COG5: variants seen among roughly 807,000 people sequenced by gnomAD.
The protein encoded by COG5 is conserved oligomeric Golgi complex subunit 5.
Under a neutral mutation model 110.4 loss-of-function variants are expected in COG5, and 86 were observed. The observed-to-expected ratio is 0.78, with a 90% confidence interval of 0.65 to 0.93. The LOEUF is 0.93. Ranked by LOEUF, COG5 falls within the 40% of genes least tolerant of loss-of-function variation. COG5 has a pLI of 0.00. For synonymous variants in COG5, 360 were observed against 334.6 expected, an observed-to-expected ratio of 1.08 and a Z score of -0.83; for missense variants, 1,077 against 987.0, an observed-to-expected ratio of 1.09 and a Z score of -1.22.
At position 107,203,593 on chromosome 7, in the gene COG5, T is replaced by G. The variant is rs1215259556; in HGVS notation, c.2413A>C (p.Arg805=). 7 of 1,613,978 alleles carry G rather than the reference T, an allele frequency of 4.3e-6. No individual in the cohort carries two copies. Among genetic ancestry groups the G allele is most frequent in the Non-Finnish European group, 5.9e-6 (7 of 1,179,966 alleles). The change falls in exon 22 of 22, where the codon AGA becomes CGA. Residue 805 remains arginine (R), a synonymous_variant. Transcript: ENST00000297135. ...ACTGGTGCAAATTCTTTGCCTTCTC[T>G]ACTTCTCACTGATTGAACATAAGCT... The part of the protein sequence containing the change: ...LEAYVQSVRS[R]EGKEFAPVYP...
chr7:107,347,091 G>A (rs1471447488), intron 10 of COG5, among the ~76,000 whole-genome samples: 1 of 152,156 alleles, frequency 6.6e-6, no homozygotes, highest in Non-Finnish European at 1.5e-5. Flanking sequence ...ATCAAAGAGA[G>A]AGAGACAAAC....
chr7:107,453,708 C>T (rs981542118), intron 6 of COG5, among the ~76,000 whole-genome samples: 22 of 152,164 alleles, frequency 1.4e-4, no homozygotes, highest in African/African-American at 4.6e-4. Context: ...AAAGAGAGCA[C>T]AATATGGCAC....
At chr7:107,248,599 A>C (rs749600431) in intron 16 of COG5, 100 bp from the exon 17 acceptor site, 1 of 779,368 alleles carries the variant, frequency 1.3e-6, no homozygotes, top group East Asian at 2.6e-5. Context: ...AACAGTTTTC[A>C]TATTATATCA....
intron 11 of COG5, among the ~76,000 whole-genome samples, chr7:107,318,703 G>A (rs1045218508): frequency 6.6e-6 from 1 of 152,118 alleles, no homozygotes; most frequent in Non-Finnish European, 1.5e-5. Flanking sequence ...CATAGAGAGT[G>A]AGTAAGCTCT....
intron 16 of COG5, among the ~76,000 whole-genome samples, chr7:107,253,829 A>C (rs1436746605): frequency 1.3e-5 from 2 of 152,076 alleles, no homozygotes; most frequent in Non-Finnish European, 2.9e-5. Flanking sequence ...TATTCCTGGA[A>C]CACTTGCCCC....
intron 10 of COG5, among the ~76,000 whole-genome samples, chr7:107,331,455 A>G (rs1329718773): frequency 1.3e-5 from 2 of 152,022 alleles, no homozygotes; most frequent in Admixed American, 1.3e-4. Flanking sequence ...GCGACAGAGC[A>G]AGACTCCATC....
intron 11 of COG5, among the ~76,000 whole-genome samples, chr7:107,312,713 A>G (rs1808383591): frequency 6.6e-6 from 1 of 152,224 alleles, no homozygotes; most frequent in African/African-American, 2.4e-5. Context: ...AGGGACCAGA[A>G]GAGTCATATT....
chr7:107,446,439 T>C (rs143528570), intron 6 of COG5, among the ~76,000 whole-genome samples: 2 of 152,150 alleles, frequency 1.3e-5, no homozygotes, highest in African/African-American at 4.8e-5. Context: ...GTAACCAGCC[T>C]TCAACATGAT....
intron 18 of COG5, among the ~76,000 whole-genome samples, chr7:107,234,766 G>C (rs1177586539): frequency 6.6e-6 from 1 of 151,998 alleles, no homozygotes; most frequent in African/African-American, 2.4e-5. Context: ...GACCATCTGA[G>C]TATAGTTCAC....
intron 19 of COG5, among the ~76,000 whole-genome samples, chr7:107,223,164 C>G (rs1195952499): frequency 2.0e-5 from 3 of 152,190 alleles, no homozygotes; most frequent in Non-Finnish European, 4.4e-5. Flanking sequence ...GTACTGAGGT[C>G]TGGAAGCAGC....
intron 6 of COG5, among the ~76,000 whole-genome samples, chr7:107,423,630 A>C (rs1042517354): frequency 1.3e-5 from 2 of 151,928 alleles, no homozygotes; most frequent in Non-Finnish European, 2.9e-5. Context: ...AGCAAATGTG[A>C]TTACCTTAAT....
At chr7:107,283,855 A>C (rs1805397283) in intron 12 of COG5, 123 bp from the exon 13 acceptor site, 1 of 695,286 alleles carries the variant, frequency 1.4e-6, no homozygotes, top group Non-Finnish European at 2.5e-6. Flanking sequence ...TATATTAAGA[A>C]AAAGAAAATA....
intron 6 of COG5, among the ~76,000 whole-genome samples, chr7:107,467,459 C>T (rs1043254704): frequency 1.3e-5 from 2 of 152,086 alleles, no homozygotes; most frequent in Admixed American, 6.5e-5. Flanking sequence ...CAGGTTCAAG[C>T]GATTCTCATT....
intron 10 of COG5, among the ~76,000 whole-genome samples, chr7:107,361,084 G>T (rs1465655496): frequency 6.6e-6 from 1 of 152,150 alleles, no homozygotes. Flanking sequence ...ACTTACAAAG[G>T]AAATTACCTA....
chr7:107,550,058 C>T (rs146144471), intron 3 of COG5, among the ~76,000 whole-genome samples: 4 of 152,080 alleles, frequency 2.6e-5, no homozygotes, highest in South Asian at 4.1e-4. Flanking sequence ...ATACCCAAGA[C>T]AGTTTATGCC....
intron 11 of COG5, among the ~76,000 whole-genome samples, chr7:107,305,370 G>A (rs981116838): frequency 1.3e-5 from 2 of 152,020 alleles, no homozygotes; most frequent in Non-Finnish European, 2.9e-5. Flanking sequence ...TCAATCAACT[G>A]CCAGGCCTTC....
chr7:107,541,396 C>T (rs1250858040), intron 5 of COG5, among the ~76,000 whole-genome samples: 1 of 141,774 alleles, frequency 7.1e-6, no homozygotes, highest in Admixed American at 7.3e-5. Context: ...ACTCAGGAGG[C>T]TGAGATGGGA....
intron 8 of COG5, among the ~76,000 whole-genome samples, chr7:107,371,347 T>C (rs902774414): frequency 4.6e-5 from 7 of 152,078 alleles, no homozygotes; most frequent in African/African-American, 1.7e-4. Context: ...CCCAACACTT[T>C]GGGAGGCCAA....
chr7:107,305,542 A>G (rs551739147), intron 11 of COG5, among the ~76,000 whole-genome samples: 1 of 152,258 alleles, frequency 6.6e-6, no homozygotes, highest in Non-Finnish European at 1.5e-5. Flanking sequence ...ATATTATATC[A>G]TAATTTCTTT....
Sources: allele counts gnomAD v4.1 joint callset (sites outside exome capture counted in the v4.1 genomes callset), GRCh38; gene constraint gnomAD v4.1.1; transcripts MANE v1.5; gene names NCBI Gene and HGNC (gene_info 2026-07-23, HGNC 2026-07-21).